Variants in FER1L6 observed in about 807,000 individuals in gnomAD.
The protein encoded by FER1L6 is fer-1-like protein 6.
A neutral mutation model predicts 219.2 loss-of-function variants in FER1L6; 177 were observed. That is an observed-to-expected ratio of 0.81 (90% CI 0.71 to 0.91). FER1L6 has a LOEUF of 0.91. Ranked by LOEUF, FER1L6 falls within the 40% of genes least tolerant of loss-of-function variation. The pLI is 0.00. For missense variants in FER1L6, 2,153 were observed against 2,259.9 expected (o/e 0.95, Z 0.96); for synonymous variants, 768 against 824.3 (o/e 0.93, Z 1.17).
At chr8:123,882,678 T>C (rs1319526781) in intron 1 of FER1L6, among the ~76,000 whole-genome samples, 1 of 151,908 alleles carries the variant, frequency 6.6e-6, no homozygotes. Flanking sequence ...AAACAAATGA[T>C]AGGGAAATGA....
At chr8:123,918,991 A>C (rs1037516343) in intron 1 of FER1L6, among the ~76,000 whole-genome samples, 2 of 152,120 alleles carry the variant, frequency 1.3e-5, no homozygotes, top group Non-Finnish European at 2.9e-5. Flanking sequence ...TGCAATTCAG[A>C]GTGGATGGCT....
At chr8:123,946,599 A>C (rs1301612369) in intron 1 of FER1L6, among the ~76,000 whole-genome samples, 1 of 152,186 alleles carries the variant, frequency 6.6e-6, no homozygotes, top group East Asian at 1.9e-4. Context: ...TTAAAACTTA[A>C]GTTTATTCAC....
chr8:124,090,906 C>CGAGTG (rs1291220775), intron 33 of FER1L6, among the ~76,000 whole-genome samples: 20 of 152,174 alleles, frequency 1.3e-4, no homozygotes, highest in Non-Finnish European at 2.9e-4. Flanking sequence ...AAGCAGCAGC[C>CGAGTG]GAGTGGCTGT....
At chr8:123,929,178 A>G (rs1813673087) in intron 1 of FER1L6, among the ~76,000 whole-genome samples, 1 of 152,168 alleles carries the variant, frequency 6.6e-6, no homozygotes, top group African/African-American at 2.4e-5. Context: ...GAGGCCTGTT[A>G]TGTGATTCTT....
chr8:123,975,869 T>C (rs1816046095), intron 8 of FER1L6, 29 bp from the exon 9 acceptor site: 1 of 1,512,942 alleles, frequency 6.6e-7, no homozygotes, highest in East Asian at 2.3e-5. Context: ...TTGAGAGAGC[T>C]TTTTCATTTG....
intron 12 of FER1L6, among the ~76,000 whole-genome samples, chr8:123,993,441 CAAA>C (rs758672519): frequency 7.7e-5 from 4 of 52,264 alleles, no homozygotes; most frequent in Non-Finnish European, 3.9e-5. Flanking sequence ...GACTCCGTCT[CAAA>C]AAAAAAAAAA....
chr8:124,017,804 G>C lies in FER1L6; in HGVS notation c.2013+86G>C, dbSNP rs1041515039. 3.8e-6 allele frequency: 4 copies of C among 1,052,306 alleles called. No homozygotes were observed. The African/African-American group carries it at 6.4e-5, about 17-fold the overall frequency. 65.2% of individuals were successfully genotyped at this position (1,052,306 alleles called of 1,614,324 possible). A position where few individuals can be genotyped will look rare whatever the true frequency, so the allele number is the denominator to read the frequency against. The stretch of plus-strand genomic sequence containing the variant: ...CATAGGTCACAGACCAAATGAGGTT[G>C]AGGTTTAAAGGTCATACATTTTTGG... On this transcript the variant is annotated intron_variant, in intron 16 of 40. Transcript: ENST00000522917.
At chr8:123,992,717 A>G (rs1816917509) in intron 12 of FER1L6, among the ~76,000 whole-genome samples, 1 of 151,830 alleles carries the variant, frequency 6.6e-6, no homozygotes, top group African/African-American at 2.4e-5. Context: ...TTTTGCTTTT[A>G]TCTTTGTTAT....
chr8:124,092,161 G>C (rs970176802), intron 34 of FER1L6, among the ~76,000 whole-genome samples: 2 of 152,018 alleles, frequency 1.3e-5, no homozygotes, highest in African/African-American at 4.8e-5. Context: ...ACAGAGTTTT[G>C]TGCCCAGCTT....
chr8:124,054,750 T>C (rs1258937941), intron 22 of FER1L6, among the ~76,000 whole-genome samples: 1 of 152,088 alleles, frequency 6.6e-6, no homozygotes, highest in Non-Finnish European at 1.5e-5. Context: ...GTGGCTGGAA[T>C]GGACAAATGA....
chr8:123,904,267 T>TGTGTGA (rs1563679522), intron 1 of FER1L6, among the ~76,000 whole-genome samples: 2 of 147,008 alleles, frequency 1.4e-5, no homozygotes, highest in Admixed American at 6.8e-5. Context: ...TGTGTGTGTG[T>TGTGTGA]GATGTGTGGG....
intron 20 of FER1L6, among the ~76,000 whole-genome samples, chr8:124,041,593 G>A (rs1041117196): frequency 6.6e-6 from 1 of 152,094 alleles, no homozygotes; most frequent in Admixed American, 6.5e-5. Flanking sequence ...CATGACACAC[G>A]AGTCACTACA....
At chr8:123,917,702 T>G (rs1813229133) in intron 1 of FER1L6, among the ~76,000 whole-genome samples, 1 of 152,150 alleles carries the variant, frequency 6.6e-6, no homozygotes, top group Non-Finnish European at 1.5e-5. Flanking sequence ...CAGAGAGAAA[T>G]ACTTATTTTT....
chr8:124,105,084 A>G (rs1423530223), intron 39 of FER1L6, among the ~76,000 whole-genome samples: 1 of 152,216 alleles, frequency 6.6e-6, no homozygotes, highest in Admixed American at 6.5e-5. Context: ...AAGCTTACCC[A>G]ATGCAGGGAT....
At chr8:123,908,636 G>T (rs892136283) in intron 1 of FER1L6, among the ~76,000 whole-genome samples, 1 of 152,172 alleles carries the variant, frequency 6.6e-6, no homozygotes, top group African/African-American at 2.4e-5. Flanking sequence ...TAAGTGTAAG[G>T]ATAACCATAT....
rs375601733 is a variant in FER1L6 at position 124,060,181 on chromosome 8, T to A, written c.2876T>A (p.Val959Asp). 2 of 1,613,236 alleles carry A rather than the reference T, an allele frequency of 1.2e-6. No homozygotes were observed. The highest frequency in any genetic ancestry group is 4.5e-5 in the East Asian group (2 of 44,872). Reference protein sequence around the residue: ...DLLAVFELLQVPPSGLQGLPP... With the variant: ...DLLAVFELLQDPPSGLQGLPP... ...ACTCATACTTGCCTTGTGCGGTAGG[T>A]TCCTCCTTCTGGGCTGCAAGGCCTC... The change falls in exon 23 of 41, where the codon GTT becomes GAT. Residue 959 changes from valine to aspartate, a missense_variant and splice_region_variant. Physicochemically the swap from Val to Asp is radical, Grantham distance 152. Transcript: ENST00000522917.
At chr8:124,074,512 C>T (rs1322726782) in intron 31 of FER1L6, among the ~76,000 whole-genome samples, 5 of 151,432 alleles carry the variant, frequency 3.3e-5, no homozygotes, top group South Asian at 2.1e-4. Context: ...ATTAGTGGGG[C>T]GTGGTGGCTC....
chr8:124,080,585 T>C (rs560629825), intron 32 of FER1L6, among the ~76,000 whole-genome samples: 2 of 152,316 alleles, frequency 1.3e-5, no homozygotes, highest in African/African-American at 4.8e-5. Context: ...CCCAAAGTGC[T>C]GGGATTATAG....
chr8:124,009,194 C>G (rs1275126319), intron 13 of FER1L6, among the ~76,000 whole-genome samples: 2 of 152,190 alleles, frequency 1.3e-5, no homozygotes, highest in Non-Finnish European at 2.9e-5. Flanking sequence ...CCTGTTTTCC[C>G]TCTCTCATTT....
Sources: allele counts gnomAD v4.1 joint callset (sites outside exome capture counted in the v4.1 genomes callset), GRCh38; gene constraint gnomAD v4.1.1; transcripts MANE v1.5; gene names NCBI Gene and HGNC (gene_info 2026-07-23, HGNC 2026-07-21).